Variants in SUSD4 observed in about 807,000 individuals in gnomAD.
SUSD4 encodes sushi domain containing 4, also known as sushi domain-containing protein 4.
Under a neutral mutation model 50.5 loss-of-function variants are expected in SUSD4, and 41 were observed. The observed-to-expected ratio is 0.81, with a 90% CI of 0.63 to 1.05. The LOEUF (loss-of-function observed/expected upper bound fraction) is 1.05, where lower values mean the gene tolerates loss of function less well. Ranked by LOEUF, SUSD4 falls within the 50% of genes least tolerant of loss-of-function variation. The probability of loss-of-function intolerance (pLI) is 0.00; values close to 1 mark genes in which losing one functional copy is unlikely to be tolerated. For missense variants in SUSD4, 580 were observed against 634.7 expected, an observed-to-expected ratio of 0.91 and a Z score of 0.93; for synonymous variants, 257 against 257.3, an observed-to-expected ratio of 1.00 and a Z score of 0.01.
chr1:223,339,284 GT>G, intron 2 of SUSD4, among the ~76,000 whole-genome samples: 1 of 152,312 alleles, frequency 6.6e-6, no homozygotes, highest in Middle Eastern at 3.4e-3. Context: ...CCATATTGCT[GT>G]GGGTTGAACA....
intron 4 of SUSD4, 127 bp downstream of exon 4, chr1:223,268,375 T>C (rs1662667819): frequency 8.0e-7 from 1 of 1,245,166 alleles, no homozygotes. Context: ...TGGATCCATG[T>C]GGGGTAGATG....
chr1:223,315,807 G>C (rs892791332), intron 2 of SUSD4, among the ~76,000 whole-genome samples: 12 of 152,204 alleles, frequency 7.9e-5, no homozygotes, highest in African/African-American at 2.7e-4. Flanking sequence ...CAGCACCTGA[G>C]CCTGAGTTTC....
chr1:223,296,651 C>T (rs1321988163), intron 2 of SUSD4, among the ~76,000 whole-genome samples: 2 of 152,162 alleles, frequency 1.3e-5, no homozygotes, highest in Non-Finnish European at 2.9e-5. Flanking sequence ...CAAATCTCAA[C>T]TTGAACTGTA....
chr1:223,234,341 AAAC>A (rs960151248), intron 5 of SUSD4, among the ~76,000 whole-genome samples: 2 of 152,146 alleles, frequency 1.3e-5, no homozygotes, highest in Non-Finnish European at 2.9e-5. Flanking sequence ...ATTCCAACAC[AAAC>A]ACCAGCCTCT....
At position 223,227,887 on chromosome 1, in the gene SUSD4, G is replaced by A; in HGVS notation, c.917-149C>T. 1.0e-6 allele frequency: 1 copy of A among 990,278 alleles called. No homozygotes were observed. The highest frequency in any genetic ancestry group is 1.7e-5 in the South Asian group (1 of 58,198). 61.3% of individuals were successfully genotyped at this position (990,278 alleles called of 1,614,324 possible). A position where few individuals can be genotyped will look rare whatever the true frequency, so the allele number is the denominator to read the frequency against. Reference sequence around the variant, plus strand: ...CCAGGGCTCGGCAGAGATACCATGTGCCCCTGTAGCTCATGTAAATTGCAT... The same window carrying A: ...CCAGGGCTCGGCAGAGATACCATGTACCCCTGTAGCTCATGTAAATTGCAT... On this transcript the variant is annotated intron_variant, in intron 6 of 8. Coordinates refer to ENST00000366878, the MANE Select transcript of SUSD4 (RefSeq NM_017982.4). This position sits in a 1 kb window ranked among gnomAD's most constrained non-coding sequence, Gnocchi z 4.5.
chr1:223,330,036 G>A (rs1304911253), intron 2 of SUSD4, among the ~76,000 whole-genome samples: 1 of 152,216 alleles, frequency 6.6e-6, no homozygotes, highest in Non-Finnish European at 1.5e-5. Flanking sequence ...CAGTATAGAT[G>A]GATGGATAAT....
chr1:223,265,243 T>C (rs1272601591), intron 4 of SUSD4, among the ~76,000 whole-genome samples: 2 of 152,176 alleles, frequency 1.3e-5, no homozygotes, highest in Non-Finnish European at 2.9e-5. Flanking sequence ...ACACCGCCAG[T>C]GGTTTCAGTG....
chr1:223,300,557 A>G lies in SUSD4; in HGVS notation c.149-7906T>C, dbSNP rs911813981. Among the ~76,000 whole-genome samples, 21 of 152,296 alleles carry G rather than the reference A, an allele frequency of 1.4e-4. No individual in the cohort carries two copies. In the East Asian group the frequency reaches 4.1e-3, roughly 29 times the overall value. ...ATAACTGAAAAGTCATATTCTAGAG[A>G]GGAAGAGTGTATCAAATGTAGCCAA... is the stretch of plus-strand genomic sequence containing the variant. On this transcript the variant is annotated intron_variant, in intron 2 of 8. Coordinates refer to ENST00000366878, the MANE Select transcript of SUSD4 (RefSeq NM_017982.4).
rs538916184 is a variant in SUSD4 at position 223,223,455 on chromosome 1, G to A, written c.1238C>T (p.Ala413Val). ...PLPVDDQSPP[A>V]YPGSGDTDTG... ...GTCCGTGTCCCCTGAGCCGGGGTAT[G>A]CTGGGGGGCTCTGGTCGTCCACGGG... Residue 413 changes from alanine (A) to valine (V), a missense_variant, in exon 8 of 9, where the codon GCA becomes GTA. Coordinates refer to ENST00000366878, the MANE Select transcript of SUSD4 (RefSeq NM_017982.4). The A allele has an allele frequency of 1.9e-6, 3 of 1,614,050 alleles. No individual in the cohort carries two copies. The highest frequency in any genetic ancestry group is 4.5e-5 in the East Asian group (2 of 44,870).
At chr1:223,263,711 C>A in intron 5 of SUSD4, 1 of 985,408 alleles carries the variant, frequency 1.0e-6, no homozygotes, top group South Asian at 4.7e-5. Context: ...CAATAGTCAC[C>A]CTCCATGACA....
chr1:223,239,029 T>C (rs1660400488), intron 5 of SUSD4, among the ~76,000 whole-genome samples: 1 of 152,040 alleles, frequency 6.6e-6, no homozygotes, highest in South Asian at 2.1e-4. Flanking sequence ...TGCATACACA[T>C]TAAGGACTGT....
intron 2 of SUSD4, among the ~76,000 whole-genome samples, chr1:223,348,093 A>G (rs1267228995): frequency 6.6e-6 from 1 of 151,390 alleles, no homozygotes; most frequent in Non-Finnish European, 1.5e-5. Flanking sequence ...TACGCTTCTA[A>G]TATTCAAATG....
intron 5 of SUSD4, chr1:223,230,776 G>A (rs1405714405): frequency 6.6e-6 from 1 of 152,208 alleles, no homozygotes; most frequent in Non-Finnish European, 1.5e-5. Context: ...GACAGGCCTA[G>A]GTCTGAATTC....
chr1:223,359,768 C>T (rs1668868365), intron 2 of SUSD4, among the ~76,000 whole-genome samples: 1 of 151,692 alleles, frequency 6.6e-6, no homozygotes, highest in Admixed American at 6.6e-5. Context: ...CAATGGGAGC[C>T]CAAGTAAGGG....
intron 2 of SUSD4, among the ~76,000 whole-genome samples, chr1:223,299,019 A>G (rs1665018071): frequency 6.6e-6 from 1 of 152,250 alleles, no homozygotes; most frequent in African/African-American, 2.4e-5. Context: ...AGATGGTACA[A>G]GAAGAAAATA....
At chr1:223,321,219 G>C (rs1666553005) in intron 2 of SUSD4, among the ~76,000 whole-genome samples, 1 of 152,194 alleles carries the variant, frequency 6.6e-6, no homozygotes, top group Non-Finnish European at 1.5e-5. Context: ...TACCAGACCT[G>C]AGGGCTCCTT....
At chr1:223,223,203 C>A (rs1177907587) in intron 8 of SUSD4, 46 bp downstream of exon 8, 1 of 1,503,060 alleles carries the variant, frequency 6.7e-7, no homozygotes, top group Non-Finnish European at 8.8e-7. Flanking sequence ...GATGCTGGTG[C>A]GGAGGTGTTT....
chr1:223,229,325 C>A lies in SUSD4; in HGVS notation c.788G>T (p.Arg263Leu), dbSNP rs374924887. 3 of 1,610,812 alleles carry A rather than the reference C, an allele frequency of 1.9e-6. No homozygotes were observed. The highest frequency in any genetic ancestry group is 1.1e-5 in the South Asian group (1 of 90,988). The part of the protein sequence containing the change: ...DFVCHPRPCE[R>L]YNHGTVVEFY... ...CTCCACCACAGTTCCGTGGTTGTAG[C>A]GCTCACAAGGCCGCGGGTGGCAGAC... Residue 263 changes from arginine to leucine, a missense_variant, in exon 6 of 9, where the codon CGC becomes CTC. Coordinates refer to ENST00000366878, the MANE Select transcript of SUSD4 (RefSeq NM_017982.4). This position sits in a 1 kb window ranked among gnomAD's most constrained non-coding sequence, Gnocchi z 4.7.
At position 223,269,135 on chromosome 1, in the gene SUSD4, C is replaced by A. The variant is rs937111717; in HGVS notation, c.362-460G>T. 2.0e-5 allele frequency among the ~76,000 whole-genome samples: 3 copies of A among 152,186 alleles called. No individual in the cohort carries two copies. In the East Asian group the frequency reaches 5.8e-4, roughly 29 times the overall value. On this transcript the variant is annotated intron_variant, in intron 3 of 8. Coordinates refer to ENST00000366878, the MANE Select transcript of SUSD4 (RefSeq NM_017982.4). ...CTGTCTAAGGGTCCCGGCCCTGAGC[C>A]TGATAAGAAAATATGCTTTGCAAAA...
Sources: gnomAD v4.1 joint callset for allele counts (sites outside exome capture counted in the v4.1 genomes callset) on GRCh38, gnomAD v4.1.1 for gene constraint, Gnocchi (gnomAD v3.1) non-coding constraint, MANE v1.5 for transcripts, NCBI Gene and HGNC (gene_info 2026-07-23, HGNC 2026-07-21) for gene names.